PDE1C: variants seen among roughly 807,000 people sequenced by gnomAD.
PDE1C encodes the protein dual specificity calcium/calmodulin-dependent 3',5'-cyclic nucleotide phosphodiesterase 1C.
PDE1C carries 62 observed loss-of-function variants against 93.1 expected under a neutral mutation model. The ratio of observed to expected loss-of-function variants is 0.67; its 90% CI spans 0.54 to 0.82. PDE1C has a LOEUF of 0.82. PDE1C is among the 40% of genes least tolerant of loss of function. The pLI, the probability that PDE1C is intolerant of heterozygous loss-of-function variation, is 0.00. For missense variants in PDE1C, 742 were observed against 884.6 expected (o/e 0.84, Z 2.04); for synonymous variants, 325 against 310.1 (o/e 1.05, Z -0.50).
intron 2 of PDE1C, among the ~76,000 whole-genome samples, chr7:31,965,426 C>A (rs1225706850): frequency 6.6e-6 from 1 of 151,514 alleles, no homozygotes; most frequent in South Asian, 2.3e-4. Flanking sequence ...CAAAAAGAAA[C>A]AAACAAAGCC....
At chr7:31,749,748 T>A (rs965388321), downstream of PDE1C, among the ~76,000 whole-genome samples, 3 of 147,246 alleles carry the variant, frequency 2.0e-5, no homozygotes, top group Non-Finnish European at 3.0e-5. Flanking sequence ...TTTTTTTTTT[T>A]TTTATTTGAG....
upstream of PDE1C, among the ~76,000 whole-genome samples, chr7:32,073,273 A>T (rs1411529624): frequency 6.6e-6 from 1 of 152,188 alleles, no homozygotes; most frequent in Non-Finnish European, 1.5e-5. Context: ...ATTTGAGAAA[A>T]TTTCTTACAA....
intron 1 of PDE1C, among the ~76,000 whole-genome samples, chr7:32,258,927 G>A (rs1010458529): frequency 6.6e-6 from 1 of 152,182 alleles, no homozygotes; most frequent in Non-Finnish European, 1.5e-5. Flanking sequence ...AATAGGATCT[G>A]CCTCTTGGAG....
intron 7 of PDE1C, among the ~76,000 whole-genome samples, chr7:31,857,329 G>A (rs1328324937): frequency 1.3e-5 from 2 of 152,074 alleles, no homozygotes; most frequent in Non-Finnish European, 2.9e-5. Flanking sequence ...TTTTGTTTGA[G>A]ATGGCAGTGT....
At chr7:31,771,559 GT>G (rs1214329455) in intron 17 of PDE1C, among the ~76,000 whole-genome samples, 3 of 151,990 alleles carry the variant, frequency 2.0e-5, no homozygotes, top group African/African-American at 7.2e-5. Context: ...TTTGAATTGG[GT>G]TTTACTTTTG....
chr7:31,769,937 A>G (rs1191570086), intron 17 of PDE1C, among the ~76,000 whole-genome samples: 1 of 152,232 alleles, frequency 6.6e-6, no homozygotes, highest in Non-Finnish European at 1.5e-5. Flanking sequence ...ATGTATGAGT[A>G]CTTCATTTAA....
intron 3 of PDE1C, among the ~76,000 whole-genome samples, chr7:32,133,835 AAAAAGTTG>A (rs1193175101): frequency 1.3e-5 from 2 of 152,162 alleles, no homozygotes; most frequent in African/African-American, 2.4e-5. Context: ...ATTACCAGAT[AAAAAGTTG>A]AAAGCAGCTA....
At chr7:32,349,485 G>A (rs1376284) in intron 1 of PDE1C, among the ~76,000 whole-genome samples, 121,740 of 152,240 alleles carry the variant, frequency 0.8, 49,029 homozygotes, top group Admixed American at 0.85. Context: ...ACTTGGAAAC[G>A]TGTGGGCTAA....
intron 9 of PDE1C, among the ~76,000 whole-genome samples, chr7:31,846,382 G>C (rs780086684): frequency 1.3e-5 from 2 of 151,652 alleles, no homozygotes; most frequent in African/African-American, 2.4e-5. Flanking sequence ...TATGGGGAAA[G>C]GATTCCCTAT....
chr7:32,143,474 G>A lies in PDE1C; in HGVS notation c.308+26311C>T, dbSNP rs537338452. 1.1e-3 allele frequency among the ~76,000 whole-genome samples: 168 copies of A among 152,054 alleles called. 4 individuals are homozygous for A. Among genetic ancestry groups the A allele is most frequent in the Non-Finnish European group, 3.8e-4 (26 of 67,998 alleles). ...GCAGTGTCACTGACCGTGACTTTAC[G>A]TGACTCAGATGGAATCAGGCTTGAG... On this transcript the variant is annotated intron_variant, in intron 3 of 18. Coordinates refer to the PDE1C transcript ENST00000396193.
At position 32,046,788 on chromosome 7, in the gene PDE1C, T is replaced by A. The variant is rs189768185; in HGVS notation, c.128+4766A>T. Among the ~76,000 whole-genome samples the A allele has an allele frequency of 2.6e-5, 4 of 152,282 alleles. No homozygotes were observed. The East Asian group carries it at 7.7e-4, about 29-fold the overall frequency. ...CACAGTAAGAGCTAGAACTTCTACC[T>A]AAACTATCTAAACAGTGCTATGATT... On this transcript the variant is annotated intron_variant, in intron 2 of 17. Transcript: ENST00000396191.
intron 2 of PDE1C, among the ~76,000 whole-genome samples, chr7:32,180,785 T>A (rs1461094036): frequency 6.6e-6 from 1 of 152,248 alleles, no homozygotes; most frequent in Non-Finnish European, 1.5e-5. Flanking sequence ...TTAAGTTAAA[T>A]GCTATGTGGA....
At chr7:31,938,104 T>C (rs1434679585) in intron 2 of PDE1C, among the ~76,000 whole-genome samples, 1 of 152,120 alleles carries the variant, frequency 6.6e-6, no homozygotes, top group Admixed American at 6.6e-5. Context: ...TTGAGCTTTC[T>C]GTATAATTAC....
At chr7:31,867,524 T>C (rs1232536286) in intron 6 of PDE1C, among the ~76,000 whole-genome samples, 1 of 152,114 alleles carries the variant, frequency 6.6e-6, no homozygotes, top group African/African-American at 2.4e-5. Context: ...GGCACCCACC[T>C]ATACATGCCA....
intron 1 of PDE1C, among the ~76,000 whole-genome samples, chr7:32,407,109 A>C (rs1403578497): frequency 6.6e-6 from 1 of 152,170 alleles, no homozygotes; most frequent in Non-Finnish European, 1.5e-5. Flanking sequence ...CCCTGCCTCT[A>C]CTAAAAATGC....
intron 14 of PDE1C, among the ~76,000 whole-genome samples, chr7:31,819,302 T>C (rs759007974): frequency 1.3e-5 from 2 of 151,846 alleles, no homozygotes; most frequent in Non-Finnish European, 2.9e-5. Context: ...AAAAAGAAAA[T>C]ATATTGACAG....
downstream of PDE1C, among the ~76,000 whole-genome samples, chr7:31,749,596 T>C (rs1055162184): frequency 1.3e-5 from 2 of 152,004 alleles, no homozygotes; most frequent in African/African-American, 4.8e-5. Context: ...TTCACAGGAA[T>C]TTGAATGCAA....
At chr7:32,080,767 T>C (rs1796616131) in intron 3 of PDE1C, among the ~76,000 whole-genome samples, 1 of 152,212 alleles carries the variant, frequency 6.6e-6, no homozygotes, top group Non-Finnish European at 1.5e-5. Flanking sequence ...AGGATTTTAA[T>C]ACTCAGGAGA....
chr7:32,115,220 C>A (rs1798920375), intron 3 of PDE1C, among the ~76,000 whole-genome samples: 1 of 151,974 alleles, frequency 6.6e-6, no homozygotes, highest in South Asian at 2.1e-4. Context: ...AACCCAAATG[C>A]CCATCATCAG....
Sources: gnomAD v4.1 joint callset for allele counts (sites outside exome capture counted in the v4.1 genomes callset) on GRCh38, gnomAD v4.1.1 for gene constraint, MANE v1.5 for transcripts, NCBI Gene and HGNC (gene_info 2026-07-23, HGNC 2026-07-21) for gene names.